The following PDE8A variants were observed in gnomAD, a reference collection of about 807,000 sequenced individuals.
PDE8A encodes high affinity cAMP-specific and IBMX-insensitive 3',5'-cyclic phosphodiesterase 8A.
PDE8A carries 59 observed loss-of-function variants against 105.0 expected under a neutral mutation model. The observed-to-expected ratio is 0.56, with a 90% CI of 0.46 to 0.70. The LOEUF (loss-of-function observed/expected upper bound fraction) is 0.70, where lower values mean the gene tolerates loss of function less well. Ranked by LOEUF, PDE8A falls within the 30% of genes least tolerant of loss-of-function variation. The pLI, the probability that PDE8A is intolerant of heterozygous loss-of-function variation, is 0.00. For missense variants in PDE8A, 1,014 were observed against 1,045.9 expected (o/e 0.97, Z 0.42); for synonymous variants, 355 against 371.9 (o/e 0.95, Z 0.52).
chr15:85,060,203 T>A (rs546974719), intron 1 of PDE8A, among the ~76,000 whole-genome samples: 3 of 152,232 alleles, frequency 2.0e-5, no homozygotes, highest in Non-Finnish European at 4.4e-5. Flanking sequence ...GTAGCTACTT[T>A]CTTTATGGTT....
At chr15:85,114,914 C>T (rs979747593) in intron 14 of PDE8A, among the ~76,000 whole-genome samples, 1 of 152,054 alleles carries the variant, frequency 6.6e-6, no homozygotes, top group Admixed American at 6.5e-5. Context: ...GCTGAGAGTA[C>T]GGGTTTGGGC....
intron 1 of PDE8A, among the ~76,000 whole-genome samples, chr15:85,007,933 G>A (rs2080175669): frequency 6.6e-6 from 1 of 152,142 alleles, no homozygotes; most frequent in Non-Finnish European, 1.5e-5. Context: ...TTGGACTGCA[G>A]CTCATAGTCA....
At chr15:85,081,039 TCTTA>T (rs2081457563) in intron 5 of PDE8A, among the ~76,000 whole-genome samples, 1 of 152,192 alleles carries the variant, frequency 6.6e-6, no homozygotes, top group Non-Finnish European at 1.5e-5. Context: ...ATCCAGAGTC[TCTTA>T]CTTTTGTGTG....
At chr15:85,007,409 G>A (rs1302845640) in intron 1 of PDE8A, among the ~76,000 whole-genome samples, 1 of 150,378 alleles carries the variant, frequency 6.6e-6, no homozygotes, top group African/African-American at 2.4e-5. Flanking sequence ...GGGACACAGG[G>A]CGGCTTCTAG....
Position 85,138,056 on chromosome 15 carries a change from T to C in PDE8A, c.*153T>C. The C allele has an allele frequency of 1.1e-5, 6 of 568,944 alleles. 1 individual carries two copies. The South Asian group carries it at 1.2e-4, about 11-fold the overall frequency. 35.2% of individuals were successfully genotyped at this position (568,944 alleles called of 1,614,324 possible). The stretch of plus-strand genomic sequence containing the variant: ...GCCCACGGGGACATCAGTAACCTTC[T>C]GCAGCCACCATCCAATGCCATTACT... On this transcript the variant is annotated 3_prime_UTR_variant, in exon 22 of 22. Coordinates refer to ENST00000394553, the MANE Select transcript of PDE8A (RefSeq NM_002605.3).
At chr15:84,981,238 T>G (rs957666763), upstream of PDE8A, among the ~76,000 whole-genome samples, 2 of 152,182 alleles carry the variant, frequency 1.3e-5, no homozygotes, top group Non-Finnish European at 2.9e-5. Context: ...GCGCCCCGCC[T>G]GTCGTCGCCG....
intron 1 of PDE8A, among the ~76,000 whole-genome samples, chr15:85,017,895 A>AAAAAAAAAAAAAAAAG (rs1418242775): frequency 6.6e-6 from 1 of 151,290 alleles, no homozygotes; most frequent in Non-Finnish European, 1.5e-5. Flanking sequence ...CTCAAAAAAA[A>AAAAAAAAAAAAAAAAG]AAAAGCAATA....
chr15:85,121,118 AC>A (rs1258005543), intron 18 of PDE8A, 104 bp downstream of exon 18: 14 of 732,686 alleles, frequency 1.9e-5, no homozygotes, highest in Non-Finnish European at 2.2e-5. Context: ...TTTAAAGTGC[AC>A]AAAGTATACA....
chr15:84,981,229 C>A (rs2079701999), upstream of PDE8A, among the ~76,000 whole-genome samples: 1 of 152,210 alleles, frequency 6.6e-6, no homozygotes, highest in Admixed American at 6.5e-5. Context: ...CCCAGTCGGG[C>A]GCCCCGCCTG....
At chr15:85,106,253 G>T (rs2081945762) in intron 11 of PDE8A, among the ~76,000 whole-genome samples, 4 of 151,890 alleles carry the variant, frequency 2.6e-5, no homozygotes, top group African/African-American at 4.8e-5. Flanking sequence ...GCAGCTACAA[G>T]ACTCCATCCA....
rs1312736970 is a variant in PDE8A at position 85,067,155 on chromosome 15, A to G, written c.385A>G (p.Ile129Val). The G allele has an allele frequency of 6.2e-7, 1 of 1,613,958 alleles. No individual in the cohort carries two copies. Among genetic ancestry groups the G allele is most frequent in the Non-Finnish European group, 8.5e-7 (1 of 1,179,986 alleles). ...CFLDKHHDII[I>V]IDHRNPRQLD... ...CCTGGACAAACATCATGACATTATC[A>G]TCATAGACCACAGAAATCCTCGACA... is the stretch of plus-strand genomic sequence containing the variant. The change falls in exon 3 of 22, where the codon ATC becomes GTC. Residue 129 changes from isoleucine to valine, a missense_variant. By Grantham distance (29) the Ile-to-Val change is conservative (BLOSUM62 3). Transcript: ENST00000394553.
intron 12 of PDE8A, among the ~76,000 whole-genome samples, chr15:85,111,145 T>C (rs561870323): frequency 7.2e-4 from 109 of 152,318 alleles, no homozygotes; most frequent in Non-Finnish European, 1.3e-3. Context: ...ATCACAAATA[T>C]ATTTTTTTAG....
intron 1 of PDE8A, among the ~76,000 whole-genome samples, chr15:84,983,877 A>G (rs1467040203): frequency 6.6e-6 from 1 of 152,162 alleles, no homozygotes; most frequent in Non-Finnish European, 1.5e-5. Context: ...GTGTCTTGTA[A>G]GCCTCCCCAG....
rs569530063 is a variant in PDE8A, at chr15:85,093,612, A to G, written c.852+2431A>G. Among the ~76,000 whole-genome samples, 6 of 152,314 alleles carry G rather than the reference A, an allele frequency of 3.9e-5. No homozygotes were observed. The South Asian group carries it at 1.2e-3, about 32-fold the overall frequency. ...TTTTGCTGATGTTCAAGCAGGGAATATTATAAACATTTTCCATCTCCACAA... is the reference window on the plus strand; with the variant it reads ...TTTTGCTGATGTTCAAGCAGGGAATGTTATAAACATTTTCCATCTCCACAA... On this transcript the variant is annotated intron_variant, in intron 8 of 21. Transcript: ENST00000394553.
rs1439506878 is a variant in PDE8A, at chr15:85,116,040, C to T, written c.1456C>T (p.Pro486Ser). 1 of 1,613,312 alleles carries T rather than the reference C, an allele frequency of 6.2e-7. No individual in the cohort carries two copies. Among genetic ancestry groups the T allele is most frequent in the Non-Finnish European group, 8.5e-7 (1 of 1,179,224 alleles). The change falls in exon 16 of 22, where the codon CCA (proline) becomes TCA (serine). Residue 486 changes from proline to serine, a missense_variant. Coordinates refer to ENST00000394553, the MANE Select transcript of PDE8A (RefSeq NM_002605.3). ...ITPISLDDVP[P>S]RIARAMENEE... is the part of the protein sequence containing the mutation. Reference sequence around the variant, plus strand: ...TCCCATCTCCCTTGATGATGTCCCACCACGGATAGCTCGGGCCATGGAAAA... The same window carrying T: ...TCCCATCTCCCTTGATGATGTCCCATCACGGATAGCTCGGGCCATGGAAAA...
intron 1 of PDE8A, among the ~76,000 whole-genome samples, chr15:84,996,543 G>A (rs555761437): frequency 6.6e-6 from 1 of 152,034 alleles, no homozygotes; most frequent in South Asian, 2.1e-4. Flanking sequence ...ATAAAAAATG[G>A]GCTGGGCATG....
chr15:85,037,184 GC>G (rs1290328810), intron 1 of PDE8A, among the ~76,000 whole-genome samples: 6 of 151,618 alleles, frequency 4.0e-5, no homozygotes, highest in African/African-American at 1.5e-4. Flanking sequence ...CCTTGCCTCA[GC>G]CTCCCAAGTA....
At chr15:85,010,759 G>A (rs2080226415) in intron 1 of PDE8A, among the ~76,000 whole-genome samples, 1 of 152,162 alleles carries the variant, frequency 6.6e-6, no homozygotes, top group Non-Finnish European at 1.5e-5. Context: ...CTGTGAGGTT[G>A]CATGGAACAT....
intron 15 of PDE8A, 36 bp downstream of exon 15, chr15:85,115,523 C>G (rs1432556761): frequency 9.7e-7 from 1 of 1,035,416 alleles, no homozygotes; most frequent in South Asian, 1.5e-5. Context: ...AGATCACTGT[C>G]TATAATACTG....
Sources: gnomAD v4.1 joint callset for allele counts (sites outside exome capture counted in the v4.1 genomes callset) on GRCh38, gnomAD v4.1.1 for gene constraint, MANE v1.5 for transcripts, NCBI Gene and HGNC (gene_info 2026-07-23, HGNC 2026-07-21) for gene names.